Variants in ZNF221 observed in about 807,000 individuals in gnomAD.
ZNF221 encodes zinc finger protein 221.
In ZNF221, 10 loss-of-function variants were observed where a neutral mutation model predicts 12.6. The observed-to-expected ratio is 0.79, with a 90% CI of 0.49 to 1.34. ZNF221 has a LOEUF of 1.34. Among genes scored for constraint, ZNF221 ranks in the 40% most tolerant of loss-of-function variants. ZNF221 has a pLI of 0.00. For synonymous variants in ZNF221, 232 were observed against 244.0 expected, an observed-to-expected ratio of 0.95 and a Z score of 0.46; for missense variants, 661 against 721.4, an observed-to-expected ratio of 0.92 and a Z score of 0.96.
Position 43,951,415 on chromosome 19 carries a change from G to A in ZNF221, c.-3+15G>A, listed in dbSNP as rs1358927156. The stretch of plus-strand genomic sequence containing the variant: ...GGAAAGCAAAGGTTTGGAAGGGTGA[G>A]GGCGGCGGTTTGCGATCCCCGCGGC... On this transcript the variant is annotated intron_variant, in intron 1 of 4. Transcript: ENST00000587682. The A allele has an allele frequency of 6.6e-6, 1 of 152,326 alleles. No homozygotes were observed. The highest frequency in any genetic ancestry group is 1.5e-5 in the Non-Finnish European group (1 of 68,138). The allele number at this position is 152,326 out of a possible 1,614,324, so 9.4% of individuals were successfully genotyped here. A position where few individuals can be genotyped will look rare whatever the true frequency, so the allele number is the denominator to read the frequency against.
rs773322053 is a variant in ZNF221 at position 43,967,134 on chromosome 19, C to T, written c.1632C>T (p.Asn544=). 7.5e-6 allele frequency: 12 copies of T among 1,592,894 alleles called. No homozygotes were observed. In the South Asian group the frequency reaches 1.2e-4, roughly 16 times the overall value. Residue 544 remains asparagine (N), a synonymous_variant, in exon 5 of 5, where the codon AAC becomes AAT. Transcript: ENST00000587682. ...GTGAGCAGTGTGAGAAGGGGTACAA[C>T]AGTAAATTTAATCTTGACATGCACC... ...YKCEQCEKGY[N]SKFNLDMHQR...
Position 43,965,019 on chromosome 19 carries a change from C to T in ZNF221, c.151C>T (p.Gln51Ter), listed in dbSNP as rs1568477482. Residue 51 changes from glutamine (Q) to a stop codon, truncating the protein, a stop_gained, in exon 3 of 5, where the codon CAG (glutamine) becomes TAG (stop). Coordinates refer to ENST00000587682, the MANE Select transcript of ZNF221 (RefSeq NM_001297588.2). LOFTEE classifies it high-confidence loss of function. Reference sequence around the variant, plus strand: ...GGAGCTGGGGCTGCTGGACCCTGCCCAGAGGAAGCTGTACCGAGATGTGAT... The same window carrying T: ...GGAGCTGGGGCTGCTGGACCCTGCCTAGAGGAAGCTGTACCGAGATGTGAT... ...EEELGLLDPAQRKLYRDVMLE... is the reference protein window; with the variant it reads ...EEELGLLDPA 1.9e-6 allele frequency: 3 copies of T among 1,614,132 alleles called. No individual in the cohort carries two copies. Among genetic ancestry groups the T allele is most frequent in the Non-Finnish European group, 1.7e-6 (2 of 1,180,018 alleles).
intron 2 of ZNF221, among the ~76,000 whole-genome samples, chr19:43,964,357 G>A (rs1033976091): frequency 2.0e-5 from 3 of 152,144 alleles, no homozygotes; most frequent in Non-Finnish European, 4.4e-5. Flanking sequence ...AAGGGACAAA[G>A]CTTTGGGATG....
At chr19:43,967,865 CACTTG>C (rs1975013001), downstream of ZNF221, 1 of 182,288 alleles carries the variant, frequency 5.5e-6, no homozygotes, top group African/African-American at 2.4e-5. Flanking sequence ...CTACAACAGG[CACTTG>C]ACTTGATATG....
At chr19:43,953,528 C>T (rs1178685410) in intron 1 of ZNF221, among the ~76,000 whole-genome samples, 1 of 152,148 alleles carries the variant, frequency 6.6e-6, no homozygotes, top group African/African-American at 2.4e-5. Context: ...GCCCTTCTCC[C>T]TTCCCAGAGG....
At chr19:43,976,636 C>A in the ZNF221 span, among the ~76,000 whole-genome samples, 4 of 152,154 alleles carry the variant, frequency 2.6e-5, no homozygotes, top group Non-Finnish European at 5.9e-5. Flanking sequence ...GTAGTTATTT[C>A]TTTTATCAGA....
chr19:43,959,474 G>T (rs923412165), intron 1 of ZNF221, among the ~76,000 whole-genome samples: 1 of 152,212 alleles, frequency 6.6e-6, no homozygotes, highest in Admixed American at 6.5e-5. Context: ...CAGTGTTGGA[G>T]GTGGGGCCTA....
Position 43,965,858 on chromosome 19 carries a change from A to G in ZNF221, c.356A>G (p.Glu119Gly). 6.2e-7 allele frequency: 1 copy of G among 1,613,592 alleles called. No individual in the cohort carries two copies. Among genetic ancestry groups the G allele is most frequent in the South Asian group, 1.1e-5 (1 of 91,008 alleles). ...GTTCCAGAAGCAGGACCACATGAAG[A>G]GTGGTCCTGTCAGCAAATATGGGAA... ...ETVPEAGPHE[E>G]WSCQQIWEQI... Residue 119 changes from glutamate to glycine, a missense_variant, in exon 5 of 5, where the codon GAG becomes GGG. Coordinates refer to ENST00000587682, the MANE Select transcript of ZNF221 (RefSeq NM_001297588.2).
At chr19:43,978,462 A>C in the ZNF221 span, 1 of 152,334 alleles carries the variant, frequency 6.6e-6, no homozygotes, top group Non-Finnish European at 1.5e-5. Context: ...TTTGTAAAAG[A>C]AAATTCATCA....
intron 1 of ZNF221, among the ~76,000 whole-genome samples, chr19:43,951,772 G>A (rs1420618560): frequency 6.6e-6 from 1 of 151,416 alleles, no homozygotes; most frequent in Non-Finnish European, 1.5e-5. Context: ...AGGTCCCTGG[G>A]CTGGTGTCAG....
chr19:43,971,706 G>T (rs367358), downstream of ZNF221, among the ~76,000 whole-genome samples: 117,627 of 151,704 alleles, frequency 0.78, 46,668 homozygotes, highest in Middle Eastern at 0.89. Context: ...AACAAGAAGA[G>T]CTAACTATTC....
chr19:43,973,027 A>C, the ZNF221 span, among the ~76,000 whole-genome samples: 1 of 152,230 alleles, frequency 6.6e-6, no homozygotes, highest in African/African-American at 2.4e-5. Context: ...AACTGAATCC[A>C]GCAGCACATC....
the ZNF221 span, among the ~76,000 whole-genome samples, chr19:43,977,803 T>C: frequency 1.3e-5 from 2 of 152,218 alleles, no homozygotes; most frequent in African/African-American, 4.8e-5. Context: ...TAATGTATTT[T>C]CATGATGCTA....
chr19:43,965,192 T>C (rs1289639288), intron 3 of ZNF221, 41 bp from the exon 4 acceptor site: 3 of 1,596,318 alleles, frequency 1.9e-6, no homozygotes, highest in Non-Finnish European at 2.6e-6. Flanking sequence ...AGATATTACC[T>C]ACAATGGGTT....
At chr19:43,951,998 C>G (rs1423031436) in intron 1 of ZNF221, among the ~76,000 whole-genome samples, 3 of 150,884 alleles carry the variant, frequency 2.0e-5, no homozygotes, top group Non-Finnish European at 4.4e-5. Flanking sequence ...CTCAGCCTCC[C>G]GAGTAGCTGG....
Position 43,962,802 on chromosome 19 carries a change from T to G in ZNF221, c.76T>G (p.Phe26Val), listed in dbSNP as rs138913252. The part of the protein sequence containing the change: ...FPEVEGKMTT[F>V]KEAVTFKDVA... Reference sequence around the variant, plus strand: ...TGAAGTAGAAGGAAAAATGACCACATTCAAAGTGAGTAGGGCTTGCCTCTC... The same window carrying G: ...TGAAGTAGAAGGAAAAATGACCACAGTCAAAGTGAGTAGGGCTTGCCTCTC... The change falls in exon 2 of 5, where the codon TTC (phenylalanine) becomes GTC (valine). Residue 26 changes from phenylalanine to valine, a missense_variant. By Grantham distance (50) the Phe-to-Val change is conservative. Transcript: ENST00000587682. 2.4e-5 allele frequency: 39 copies of G among 1,613,368 alleles called. No individual in the cohort carries two copies. Among genetic ancestry groups the G allele is most frequent in the Non-Finnish European group, 3.1e-5 (37 of 1,179,566 alleles).
chr19:43,979,612 G>C, the ZNF221 span, among the ~76,000 whole-genome samples: 1 of 152,058 alleles, frequency 6.6e-6, no homozygotes, highest in African/African-American at 2.4e-5. Flanking sequence ...TCCTCTCGTG[G>C]GTTAGTGTTC....
intron 1 of ZNF221, among the ~76,000 whole-genome samples, chr19:43,955,363 C>T (rs1974738876): frequency 6.6e-6 from 1 of 152,268 alleles, no homozygotes; most frequent in East Asian, 1.9e-4. Flanking sequence ...AAGAACATGT[C>T]TCGATTTAGC....
the ZNF221 span, among the ~76,000 whole-genome samples, chr19:43,979,210 C>A: frequency 1.3e-5 from 2 of 151,996 alleles, no homozygotes; most frequent in East Asian, 3.9e-4. Flanking sequence ...AGCATACTTG[C>A]TCCTAACAGG....
Sources: allele counts gnomAD v4.1 joint callset (sites outside exome capture counted in the v4.1 genomes callset), GRCh38; gene constraint gnomAD v4.1.1; transcripts MANE v1.5; gene names NCBI Gene and HGNC (gene_info 2026-07-23, HGNC 2026-07-21).